The following KCNH5 variants were observed in gnomAD, a reference collection of about 807,000 sequenced individuals.
KCNH5 encodes the protein potassium voltage-gated channel subfamily H member 5.
In KCNH5, 46 loss-of-function variants were observed where a neutral mutation model predicts 96.1. That is an observed-to-expected ratio of 0.48 (90% CI 0.38 to 0.61). The LOEUF is 0.61. Among genes scored for constraint, KCNH5 ranks in the 20% least tolerant of loss-of-function variants. KCNH5 has a pLI of 0.00. For synonymous variants in KCNH5, 439 were observed against 449.8 expected, an observed-to-expected ratio of 0.98 and a Z score of 0.30; for missense variants, 907 against 1,225.8, an observed-to-expected ratio of 0.74 and a Z score of 3.88.
At chr14:62,973,515 C>T (rs1022851768) in intron 6 of KCNH5, among the ~76,000 whole-genome samples, 15 of 152,142 alleles carry the variant, frequency 9.9e-5, no homozygotes, top group Non-Finnish European at 2.2e-4. Flanking sequence ...CATGAAGACA[C>T]ATTTGTCTTG....
chr14:62,853,466 T>TATATATG (rs1555360162), intron 7 of KCNH5, among the ~76,000 whole-genome samples: 2 of 125,552 alleles, frequency 1.6e-5, no homozygotes, highest in African/African-American at 6.0e-5. Flanking sequence ...CATATATATA[T>TATATATG]ATATATATAT....
chr14:62,802,637 A>G, intron 8 of KCNH5, 56 bp from the exon 9 acceptor site: 1 of 1,574,790 alleles, frequency 6.4e-7, no homozygotes, highest in South Asian at 1.1e-5. Context: ...GCCACTTCAG[A>G]AAAACAATCA....
chr14:62,707,480 T>A lies in KCNH5; in HGVS notation c.*28A>T. On this transcript the variant is annotated 3_prime_UTR_variant, in exon 11 of 11. Transcript: ENST00000322893. ...CACACATATGTATATACTGTTTTAA[T>A]ATATTAACAAATATATATGTATATA... 6 of 1,154,238 alleles carry A rather than the reference T, an allele frequency of 5.2e-6. No individual in the cohort carries two copies. Among genetic ancestry groups the A allele is most frequent in the Non-Finnish European group, 6.9e-6 (6 of 873,232 alleles). The allele number at this position is 1,154,238 out of a possible 1,614,324, so 71.5% of individuals were successfully genotyped here. A position where few individuals can be genotyped will look rare whatever the true frequency, so the allele number is the denominator to read the frequency against.
chr14:62,728,357 A>AG (rs1884979730), intron 10 of KCNH5, among the ~76,000 whole-genome samples: 1 of 149,748 alleles, frequency 6.7e-6, no homozygotes, highest in Admixed American at 6.7e-5. Flanking sequence ...ACTGCACTCC[A>AG]GCCTGGGAGA....
intron 9 of KCNH5, among the ~76,000 whole-genome samples, chr14:62,780,385 G>A (rs778095831): frequency 2.0e-5 from 3 of 152,064 alleles, no homozygotes; most frequent in Non-Finnish European, 4.4e-5. Context: ...CAGTAACTAT[G>A]TATTGTGCCC....
chr14:62,965,468 C>T (rs1224348587), intron 6 of KCNH5, among the ~76,000 whole-genome samples: 6 of 152,130 alleles, frequency 3.9e-5, no homozygotes, highest in Non-Finnish European at 7.3e-5. Flanking sequence ...CTTTGACTTT[C>T]TCCACAAGGT....
intron 4 of KCNH5, among the ~76,000 whole-genome samples, chr14:62,995,207 T>C (rs1420961634): frequency 6.6e-6 from 1 of 152,052 alleles, no homozygotes; most frequent in Non-Finnish European, 1.5e-5. Flanking sequence ...TTCCAGTCAA[T>C]TTTGGCAAAT....
chr14:62,751,292 T>A (rs1195837199), intron 10 of KCNH5, among the ~76,000 whole-genome samples: 1 of 152,124 alleles, frequency 6.6e-6, no homozygotes, highest in East Asian at 1.9e-4. Context: ...TTCCATCTAT[T>A]CCCCTGACCA....
rs373648240 is a variant in KCNH5 at position 62,890,648 on chromosome 14, G to A, written c.1370-40796C>T. 4.9e-5 allele frequency among the ~76,000 whole-genome samples: 7 copies of A among 143,868 alleles called. No individual in the cohort carries two copies. In the East Asian group the frequency reaches 6.3e-4, roughly 13 times the overall value. The allele number at this position is 143,868 out of a possible 152,430, so 94.4% of individuals were successfully genotyped here. ...CGGGAGGCGGAGCTTGCAGTGAGCC[G>A]AGATCGCGCCACTGCACTCCAGCCT... On this transcript the variant is annotated intron_variant, in intron 7 of 10. Coordinates refer to ENST00000322893, the MANE Select transcript of KCNH5 (RefSeq NM_139318.5).
At chr14:62,731,609 G>T (rs975110809) in intron 10 of KCNH5, among the ~76,000 whole-genome samples, 6 of 152,120 alleles carry the variant, frequency 3.9e-5, no homozygotes, top group Non-Finnish European at 7.4e-5. Context: ...GATATTTGTT[G>T]TACTAAGAAT....
intron 9 of KCNH5, among the ~76,000 whole-genome samples, chr14:62,784,638 T>C (rs1324504044): frequency 1.3e-5 from 2 of 152,172 alleles, no homozygotes; most frequent in Admixed American, 6.5e-5. Context: ...TGTGAATAAA[T>C]ATTCATTGAT....
chr14:62,836,372 G>C (rs1887466929), intron 8 of KCNH5, among the ~76,000 whole-genome samples: 2 of 152,026 alleles, frequency 1.3e-5, no homozygotes, highest in South Asian at 4.2e-4. Flanking sequence ...AAGTTTCATT[G>C]TTCCTGGTTG....
At chr14:62,930,749 T>C (rs1377805457) in intron 7 of KCNH5, among the ~76,000 whole-genome samples, 1 of 152,160 alleles carries the variant, frequency 6.6e-6, no homozygotes, top group Non-Finnish European at 1.5e-5. Flanking sequence ...TTTTTAAATT[T>C]AGTTCACAGT....
At chr14:62,725,266 C>G (rs1299268258) in intron 10 of KCNH5, among the ~76,000 whole-genome samples, 2 of 152,128 alleles carry the variant, frequency 1.3e-5, no homozygotes, top group Non-Finnish European at 2.9e-5. Context: ...AAGAACATGT[C>G]TTTATACAGT....
At chr14:62,891,974 CACA>C (rs1888720603) in intron 7 of KCNH5, among the ~76,000 whole-genome samples, 2 of 152,100 alleles carry the variant, frequency 1.3e-5, no homozygotes, top group Non-Finnish European at 2.9e-5. Context: ...TTCCCTGAGA[CACA>C]ACAATATTGA....
chr14:62,926,132 G>A lies in KCNH5; in HGVS notation c.1369+24001C>T, dbSNP rs761475610. On this transcript the variant is annotated intron_variant, in intron 7 of 10. Coordinates refer to ENST00000322893, the MANE Select transcript of KCNH5 (RefSeq NM_139318.5). ...TGGATGGTATAGAAGGAAAATAAGG[G>A]GAGATAGAAAAATAAATGATGCAAG... Among the ~76,000 whole-genome samples, 3 of 152,058 alleles carry A rather than the reference G, an allele frequency of 2.0e-5. No individual in the cohort carries two copies. The South Asian group carries it at 6.2e-4, about 31-fold the overall frequency.
intron 7 of KCNH5, among the ~76,000 whole-genome samples, chr14:62,857,498 T>C (rs2140053647): frequency 6.6e-6 from 1 of 152,220 alleles, no homozygotes; most frequent in Non-Finnish European, 1.5e-5. Context: ...TATTAAGTGT[T>C]AACTCACATG....
At chr14:62,879,752 C>T (rs1200787851) in intron 7 of KCNH5, among the ~76,000 whole-genome samples, 1 of 152,052 alleles carries the variant, frequency 6.6e-6, no homozygotes, top group African/African-American at 2.4e-5. Context: ...TTAACTTGTA[C>T]TTCCCTAATT....
At chr14:63,038,350 C>T (rs1403968017) in intron 1 of KCNH5, among the ~76,000 whole-genome samples, 1 of 152,116 alleles carries the variant, frequency 6.6e-6, no homozygotes, top group East Asian at 1.9e-4. Context: ...AGTTCATATA[C>T]CAAAATTTTC....
Sources: gnomAD v4.1 joint callset for allele counts (sites outside exome capture counted in the v4.1 genomes callset) on GRCh38, gnomAD v4.1.1 for gene constraint, MANE v1.5 for transcripts, NCBI Gene and HGNC (gene_info 2026-07-23, HGNC 2026-07-21) for gene names.